NSL1: variants seen among roughly 807,000 people sequenced by gnomAD.
The protein encoded by NSL1 is kinetochore-associated protein NSL1 homolog.
Under a neutral mutation model 25.4 loss-of-function variants are expected in NSL1, and 11 were observed. The observed-to-expected ratio is 0.43, with a 90% CI of 0.27 to 0.72. NSL1 has a LOEUF of 0.72. NSL1 is among the 30% of genes least tolerant of loss of function. The pLI, the probability that NSL1 is intolerant of heterozygous loss-of-function variation, is 0.19. For missense variants in NSL1, 330 were observed against 342.7 expected (o/e 0.96, Z 0.29); for synonymous variants, 118 against 120.6 (o/e 0.98, Z 0.14).
chr1:212,738,477 C>T lies in NSL1; in HGVS notation c.777G>A (p.Lys259=). The T allele has an allele frequency of 6.2e-7, 1 of 1,614,064 alleles. No homozygotes were observed. Among genetic ancestry groups the T allele is most frequent in the South Asian group, 1.1e-5 (1 of 91,082 alleles). The change falls in exon 6 of 6, where the codon AAG becomes AAA. Residue 259 remains lysine (K), a synonymous_variant. Transcript: ENST00000366977. ...TTCTCTGGGGGCAGTCTTTAGTTTGCTTTCTTTTCAGTACCATGTCAGAGG... is the reference window on the plus strand; with the variant it reads ...TTCTCTGGGGGCAGTCTTTAGTTTGTTTTCTTTTCAGTACCATGTCAGAGG... ...RKTSDMVLKR[K]QTKDCPQRKW... is the part of the protein sequence containing the mutation.
chr1:212,791,015 T>C (rs1199022447), intron 1 of NSL1, among the ~76,000 whole-genome samples: 1 of 152,172 alleles, frequency 6.6e-6, no homozygotes, highest in Non-Finnish European at 1.5e-5. Flanking sequence ...CTTCCAGAAT[T>C]ACCCTTTCCA....
At chr1:212,778,899 A>C (rs1660522241) in intron 4 of NSL1, among the ~76,000 whole-genome samples, 1 of 133,954 alleles carries the variant, frequency 7.5e-6, no homozygotes, top group Admixed American at 7.7e-5. Flanking sequence ...CCGGCTGCCC[A>C]GTCTGGAAAG....
Position 212,727,553 on chromosome 1 carries a change from G to A in NSL1, c.*10855C>T. The A allele has an allele frequency of 1.0e-6, 1 of 985,380 alleles. No individual in the cohort carries two copies. The allele number at this position is 985,380 out of a possible 1,614,324, so 61.0% of individuals were successfully genotyped here. A position where few individuals can be genotyped will look rare whatever the true frequency, so the allele number is the denominator to read the frequency against. Reference sequence around the variant, plus strand: ...AGAGAAAGGACAATGAATTAGACGTGTGCCACATACTTCTCTCAAAAACTT... The same window carrying A: ...AGAGAAAGGACAATGAATTAGACGTATGCCACATACTTCTCTCAAAAACTT... On this transcript the variant is annotated 3_prime_UTR_variant, in exon 6 of 6. Coordinates refer to ENST00000366977, the MANE Select transcript of NSL1 (RefSeq NM_015471.4).
Position 212,736,556 on chromosome 1 carries a change from TA to T in NSL1, c.*1851del. On this transcript the variant is annotated 3_prime_UTR_variant, in exon 6 of 6. Coordinates refer to ENST00000366977, the MANE Select transcript of NSL1 (RefSeq NM_015471.4). ...TTACTGCTATTGGTCATGCTTTTCT[TA>T]GTTAATAATGCTAATACGTACTGTC... 1.0e-6 allele frequency: 1 copy of T among 984,798 alleles called. No homozygotes were observed. The highest frequency in any genetic ancestry group is 5.2e-4 in the Middle Eastern group (1 of 1,912). 61.0% of individuals were successfully genotyped at this position (984,798 alleles called of 1,614,324 possible). A position where few individuals can be genotyped will look rare whatever the true frequency, so the allele number is the denominator to read the frequency against.
Position 212,728,179 on chromosome 1 carries a change from A to G in NSL1, c.*10229T>C. 2.1e-6 allele frequency: 2 copies of G among 930,378 alleles called. No homozygotes were observed. The highest frequency in any genetic ancestry group is 2.6e-6 in the Non-Finnish European group (2 of 779,930). The allele number at this position is 930,378 out of a possible 1,614,324, so 57.6% of individuals were successfully genotyped here. ...AGATGGTGCATGTGAAGCTTTTAGC[A>G]TGATCATGGCATGTAGTAAGCACTC... On this transcript the variant is annotated 3_prime_UTR_variant, in exon 6 of 6. Transcript: ENST00000366977.
intron 4 of NSL1, among the ~76,000 whole-genome samples, chr1:212,743,654 G>A (rs1055190819): frequency 1.3e-5 from 2 of 151,992 alleles, no homozygotes; most frequent in Non-Finnish European, 2.9e-5. Flanking sequence ...GGTGGCATAG[G>A]AGATTCCAAA....
chr1:212,743,121 G>A (rs1160963582), intron 4 of NSL1, among the ~76,000 whole-genome samples: 1 of 152,100 alleles, frequency 6.6e-6, no homozygotes, highest in African/African-American at 2.4e-5. Context: ...AAACATTTAC[G>A]GATTAAATGT....
In NSL1 at chr1:212,730,237, CAAAAAAAAAAAAAAA is replaced by C. The variant is rs532313864; in HGVS notation, c.*8156_*8170del. On this transcript the variant is annotated 3_prime_UTR_variant, in exon 6 of 6. Transcript: ENST00000366977. Reference sequence around the variant, plus strand: ...TACACTCCAGCCTGGGTGACAGTCTCAAAAAAAAAAAAAAAAAAAAAAAAAAAAGAAATGCGCCAA... The same window carrying C: ...TACACTCCAGCCTGGGTGACAGTCTCAAAAAAAAAAAAAGAAATGCGCCAA... 137 of 603,940 alleles carry C rather than the reference CAAAAAAAAAAAAAAA, an allele frequency of 2.3e-4. No homozygotes were observed. The highest frequency in any genetic ancestry group is 2.3e-4 in the Non-Finnish European group (124 of 539,492). The allele number at this position is 603,940 out of a possible 1,614,324, so 37.4% of individuals were successfully genotyped here. A position where few individuals can be genotyped will look rare whatever the true frequency, so the allele number is the denominator to read the frequency against.
At position 212,776,738 on chromosome 1, in the gene NSL1, CAAA is replaced by C. The variant is rs969105033; in HGVS notation, c.499+5631_499+5633del. Among the ~76,000 whole-genome samples, 457 of 126,112 alleles carry C rather than the reference CAAA, an allele frequency of 3.6e-3. 2 individuals carry two copies. Among genetic ancestry groups the C allele is most frequent in the African/African-American group, 0.014 (419 of 30,912 alleles). 82.7% of individuals were successfully genotyped at this position (126,112 alleles called of 152,430 possible). A position where few individuals can be genotyped will look rare whatever the true frequency, so the allele number is the denominator to read the frequency against. On this transcript the variant is annotated intron_variant, in intron 4 of 5. Coordinates refer to ENST00000366977, the MANE Select transcript of NSL1 (RefSeq NM_015471.4). ...CAAAACAAAACAACAACAACAACAA[CAAA>C]AAAAACCAACAACAACAAAAACTTC...
Position 212,727,053 on chromosome 1 carries a change from G to A in NSL1, c.*11355C>T. On this transcript the variant is annotated 3_prime_UTR_variant, in exon 6 of 6. Transcript: ENST00000366977. ...GGAGATGACTGCCGAGAGAGGGAGG[G>A]CGGGCTCTGGGTCACCCAGCTTCAT... 2 of 1,505,546 alleles carry A rather than the reference G, an allele frequency of 1.3e-6. No homozygotes were observed. The highest frequency in any genetic ancestry group is 2.5e-5 in the South Asian group (2 of 79,426). 93.3% of individuals were successfully genotyped at this position (1,505,546 alleles called of 1,614,324 possible).
rs374539206 is a variant in NSL1, at chr1:212,791,693, C to T, written c.71G>A (p.Ser24Asn). The change falls in exon 1 of 6, where the codon AGC (serine) becomes AAC (asparagine). Residue 24 changes from serine (S) to asparagine (N), a missense_variant. Coordinates refer to ENST00000366977, the MANE Select transcript of NSL1 (RefSeq NM_015471.4). ...GGGAGTGGCGGAGACCAAGGCCTGG[C>T]TCTCTGTGCCAGCCGCGAGCTCCTT... ...WDKELAAGTE[S>N]QALVSATPRE... The T allele has an allele frequency of 3.7e-6, 6 of 1,613,970 alleles. No homozygotes were observed. In the South Asian group the frequency reaches 5.5e-5, roughly 15 times the overall value.
intron 4 of NSL1, among the ~76,000 whole-genome samples, chr1:212,754,503 G>C (rs1041998132): frequency 6.6e-6 from 1 of 152,040 alleles, no homozygotes; most frequent in Non-Finnish European, 1.5e-5. Context: ...CCAGCCCGGC[G>C]CGGTGGCTCA....
chr1:212,758,022 C>CTA (rs1371502230), intron 4 of NSL1, among the ~76,000 whole-genome samples: 4 of 152,146 alleles, frequency 2.6e-5, no homozygotes, highest in African/African-American at 9.7e-5. Flanking sequence ...CATAAACATG[C>CTA]TAATAGTGTT....
At chr1:212,769,645 G>GT (rs1200883470) in intron 4 of NSL1, among the ~76,000 whole-genome samples, 2 of 152,104 alleles carry the variant, frequency 1.3e-5, no homozygotes, top group Non-Finnish European at 2.9e-5. Context: ...CAAAAAGACA[G>GT]TATCTACCAT....
intron 4 of NSL1, among the ~76,000 whole-genome samples, chr1:212,766,030 G>A (rs1355490408): frequency 4.6e-5 from 7 of 151,528 alleles, no homozygotes; most frequent in South Asian, 2.1e-4. Flanking sequence ...CAGCTCTTCC[G>A]GAGGCTGAGG....
In NSL1 at chr1:212,729,542, C is replaced by T; in HGVS notation, c.*8866G>A. The T allele has an allele frequency of 1.0e-6, 1 of 985,324 alleles. No homozygotes were observed. The highest frequency in any genetic ancestry group is 1.2e-6 in the Non-Finnish European group (1 of 829,912). The allele number at this position is 985,324 out of a possible 1,614,324, so 61.0% of individuals were successfully genotyped here. A position where few individuals can be genotyped will look rare whatever the true frequency, so the allele number is the denominator to read the frequency against. On this transcript the variant is annotated 3_prime_UTR_variant, in exon 6 of 6. Coordinates refer to ENST00000366977, the MANE Select transcript of NSL1 (RefSeq NM_015471.4). ...GGAGCAGGGGTGCCCTACAACTTTG[C>T]CCATTTTTATTATTCTGCCAGTGTC...
chr1:212,726,947 T>C lies in NSL1; in HGVS notation c.*11461A>G. The C allele has an allele frequency of 3.8e-6, 2 of 522,508 alleles. No individual in the cohort carries two copies. The highest frequency in any genetic ancestry group is 3.6e-5 in the Admixed American group (1 of 28,150). The allele number at this position is 522,508 out of a possible 1,614,324, so 32.4% of individuals were successfully genotyped here. Reference sequence around the variant, plus strand: ...CGGACTTTCCCGTCCTGTCTCTTCATGGTGGGTGAAGAGCACAGGGAGAGT... The same window carrying C: ...CGGACTTTCCCGTCCTGTCTCTTCACGGTGGGTGAAGAGCACAGGGAGAGT... On this transcript the variant is annotated 3_prime_UTR_variant, in exon 6 of 6. Coordinates refer to ENST00000366977, the MANE Select transcript of NSL1 (RefSeq NM_015471.4).
intron 1 of NSL1, among the ~76,000 whole-genome samples, chr1:212,791,198 A>G (rs1661234036): frequency 6.6e-6 from 1 of 152,226 alleles, no homozygotes; most frequent in South Asian, 2.1e-4. Flanking sequence ...TTCATTTGAT[A>G]TTATTACATG....
At chr1:212,745,162 A>ATC (rs1553251538) in intron 4 of NSL1, among the ~76,000 whole-genome samples, 7 of 17,182 alleles carry the variant, frequency 4.1e-4, no homozygotes, top group African/African-American at 1.4e-3. Context: ...CAAACAAACT[A>ATC]TATATATATA....
Sources: gnomAD v4.1 joint callset for allele counts (sites outside exome capture counted in the v4.1 genomes callset) on GRCh38, gnomAD v4.1.1 for gene constraint, MANE v1.5 for transcripts, NCBI Gene and HGNC (gene_info 2026-07-23, HGNC 2026-07-21) for gene names.